SLC9A9: variants seen among roughly 807,000 people sequenced by gnomAD.
SLC9A9 encodes solute carrier family 9 member A9, also known as sodium/hydrogen exchanger 9.
In SLC9A9, 62 loss-of-function variants were observed where a neutral mutation model predicts 77.8. That is an observed-to-expected ratio of 0.80 (90% CI 0.65 to 0.98). SLC9A9 has a LOEUF of 0.98. Among genes scored for constraint, SLC9A9 ranks in the 50% least tolerant of loss-of-function variants. The probability of loss-of-function intolerance (pLI) is 0.00; values close to 1 mark genes in which losing one functional copy is unlikely to be tolerated. For missense variants in SLC9A9, 775 were observed against 774.9 expected (o/e 1.00, Z 0.00); for synonymous variants, 320 against 283.5 (o/e 1.13, Z -1.29).
At chr3:143,471,613 G>A (rs1373225305) in intron 11 of SLC9A9, among the ~76,000 whole-genome samples, 1 of 152,046 alleles carries the variant, frequency 6.6e-6, no homozygotes, top group Non-Finnish European at 1.5e-5. Flanking sequence ...GTTTTGTATT[G>A]TTTTATGAAT....
chr3:143,638,891 CA>C (rs2038573807), intron 6 of SLC9A9, among the ~76,000 whole-genome samples: 1 of 152,178 alleles, frequency 6.6e-6, no homozygotes, highest in African/African-American at 2.4e-5. Context: ...TTACAAAGCT[CA>C]AGTAATATGA....
At chr3:143,777,297 A>C (rs113228957) in intron 4 of SLC9A9, among the ~76,000 whole-genome samples, 1 of 152,208 alleles carries the variant, frequency 6.6e-6, no homozygotes, top group Non-Finnish European at 1.5e-5. Flanking sequence ...AGGTAAACCA[A>C]ATTCTAAGTA....
chr3:143,379,852 A>ACC (rs2033264004), intron 13 of SLC9A9, among the ~76,000 whole-genome samples: 1 of 151,992 alleles, frequency 6.6e-6, no homozygotes, highest in South Asian at 2.1e-4. Flanking sequence ...GATTCTTTAT[A>ACC]CCCCTCTGGT....
intron 9 of SLC9A9, among the ~76,000 whole-genome samples, chr3:143,510,315 G>C (rs990932571): frequency 6.6e-6 from 1 of 152,106 alleles, no homozygotes; most frequent in Non-Finnish European, 1.5e-5. Flanking sequence ...CTTTGTGAAA[G>C]AAAGGCAACT....
chr3:143,364,915 T>C (rs1379651071), intron 13 of SLC9A9, among the ~76,000 whole-genome samples: 1 of 152,210 alleles, frequency 6.6e-6, no homozygotes, highest in African/African-American at 2.4e-5. Context: ...GGAAATTCTG[T>C]GCTAATCATT....
chr3:143,269,432 A>T (rs1302324569), intron 14 of SLC9A9, among the ~76,000 whole-genome samples: 1 of 152,236 alleles, frequency 6.6e-6, no homozygotes, highest in Non-Finnish European at 1.5e-5. Flanking sequence ...GTGAACATAG[A>T]TTGTTTTCCA....
intron 4 of SLC9A9, among the ~76,000 whole-genome samples, chr3:143,734,568 T>C (rs756110231): frequency 4.6e-5 from 7 of 151,700 alleles, no homozygotes; most frequent in Non-Finnish European, 8.8e-5. Context: ...ACCCTGTCTC[T>C]ACTAAAATAC....
chr3:143,624,975 C>T (rs1243606409), intron 6 of SLC9A9, among the ~76,000 whole-genome samples: 1 of 152,052 alleles, frequency 6.6e-6, no homozygotes, highest in Non-Finnish European at 1.5e-5. Flanking sequence ...CAATAACAGA[C>T]AAACAGAGAG....
chr3:143,721,616 C>T (rs1229363736), intron 4 of SLC9A9, among the ~76,000 whole-genome samples: 2 of 152,146 alleles, frequency 1.3e-5, no homozygotes, highest in South Asian at 2.1e-4. Context: ...TGTGGTGATG[C>T]CACAGAGGTG....
intron 14 of SLC9A9, among the ~76,000 whole-genome samples, chr3:143,325,590 T>C (rs1424573804): frequency 6.6e-6 from 1 of 152,170 alleles, no homozygotes; most frequent in East Asian, 1.9e-4. Flanking sequence ...TCCTAAATTT[T>C]GTTAAGGGTG....
intron 4 of SLC9A9, among the ~76,000 whole-genome samples, chr3:143,768,947 A>G (rs544210245): frequency 1.3e-5 from 2 of 152,318 alleles, no homozygotes; most frequent in Non-Finnish European, 2.9e-5. Context: ...AAGGTTAAGC[A>G]TGGCATAGTG....
At chr3:143,664,839 T>C (rs1250828221) in intron 5 of SLC9A9, among the ~76,000 whole-genome samples, 1 of 152,160 alleles carries the variant, frequency 6.6e-6, no homozygotes, top group African/African-American at 2.4e-5. Flanking sequence ...ATAAAGCAAG[T>C]CCTTAGAGAC....
At chr3:143,816,970 T>A (rs940547772) in intron 2 of SLC9A9, among the ~76,000 whole-genome samples, 3 of 152,204 alleles carry the variant, frequency 2.0e-5, no homozygotes, top group African/African-American at 4.8e-5. Context: ...TCTCTTTTAC[T>A]CAGTATTAGT....
chr3:143,661,038 T>C (rs1380740497), intron 5 of SLC9A9, among the ~76,000 whole-genome samples: 1 of 152,162 alleles, frequency 6.6e-6, no homozygotes, highest in East Asian at 1.9e-4. Flanking sequence ...CAAATCACTT[T>C]ATTTGAAAGT....
intron 6 of SLC9A9, among the ~76,000 whole-genome samples, chr3:143,625,992 G>A (rs1337435883): frequency 6.6e-6 from 1 of 152,204 alleles, no homozygotes; most frequent in Non-Finnish European, 1.5e-5. Context: ...AGACATTTAT[G>A]CAGCCAAAAG....
At chr3:143,315,145 A>G (rs1171761428) in intron 14 of SLC9A9, among the ~76,000 whole-genome samples, 1 of 152,244 alleles carries the variant, frequency 6.6e-6, no homozygotes, top group African/African-American at 2.4e-5. Flanking sequence ...GAAGTAAACC[A>G]AACAAAGAAC....
chr3:143,410,576 G>T (rs556116525), intron 12 of SLC9A9, among the ~76,000 whole-genome samples: 1 of 152,252 alleles, frequency 6.6e-6, no homozygotes, highest in Admixed American at 6.5e-5. Flanking sequence ...TTTTGATCCT[G>T]CTGCTTCTGT....
intron 12 of SLC9A9, among the ~76,000 whole-genome samples, chr3:143,391,196 C>T (rs1249822543): frequency 1.3e-5 from 2 of 152,228 alleles, no homozygotes; most frequent in African/African-American, 4.8e-5. Flanking sequence ...CTGGGAGGCA[C>T]CCTCCAGTAG....
intron 4 of SLC9A9, among the ~76,000 whole-genome samples, chr3:143,758,817 T>C (rs76582458): frequency 2.0e-3 from 307 of 152,200 alleles, no homozygotes; most frequent in Middle Eastern, 0.01. Flanking sequence ...GGCATTTGAA[T>C]GTAATGTCTA....
Sources: allele counts gnomAD v4.1 joint callset (sites outside exome capture counted in the v4.1 genomes callset), GRCh38; gene constraint gnomAD v4.1.1; transcripts MANE v1.5; gene names NCBI Gene and HGNC (gene_info 2026-07-23, HGNC 2026-07-21).